PALM2AKAP2: variants seen among roughly 807,000 people sequenced by gnomAD.
PALM2AKAP2 encodes PALM2-AKAP2 fusion protein.
PALM2AKAP2 carries 37 observed loss-of-function variants against 71.5 expected under a neutral mutation model. The observed-to-expected ratio is 0.52, with a 90% CI of 0.40 to 0.68. PALM2AKAP2 has a LOEUF of 0.68. Ranked by LOEUF, PALM2AKAP2 falls within the 30% of genes least tolerant of loss-of-function variation. The pLI, the probability that PALM2AKAP2 is intolerant of heterozygous loss-of-function variation, is 0.00. For synonymous variants in PALM2AKAP2, 468 were observed against 478.8 expected (o/e 0.98, Z 0.29); for missense variants, 1,224 against 1,191.8 (o/e 1.03, Z -0.40).
At chr9:109,984,901 G>A (rs535521885) in intron 6 of PALM2AKAP2, among the ~76,000 whole-genome samples, 95 of 151,824 alleles carry the variant, frequency 6.3e-4, no homozygotes, top group African/African-American at 2.2e-3. Context: ...AAGGCCGGGC[G>A]TGGTGGCTCA....
intron 1 of PALM2AKAP2, among the ~76,000 whole-genome samples, chr9:110,088,356 A>G (rs1425652029): frequency 2.6e-5 from 4 of 152,230 alleles, no homozygotes; most frequent in African/African-American, 9.6e-5. Context: ...AAAGCAACCA[A>G]TCAGAGGCTG....
chr9:110,163,377 C>T (rs1836651788), intron 3 of PALM2AKAP2, among the ~76,000 whole-genome samples: 1 of 152,038 alleles, frequency 6.6e-6, no homozygotes, highest in African/African-American at 2.4e-5. Flanking sequence ...ATAATAAAAC[C>T]CACCTACCCA....
At chr9:109,704,091 T>C (rs985922726) in intron 1 of PALM2AKAP2, among the ~76,000 whole-genome samples, 1 of 152,086 alleles carries the variant, frequency 6.6e-6, no homozygotes, top group Non-Finnish European at 1.5e-5. Flanking sequence ...AGAGAATAGA[T>C]AGATGAGTTC....
At chr9:109,656,893 C>A (rs574694265) in intron 1 of PALM2AKAP2, among the ~76,000 whole-genome samples, 1 of 152,178 alleles carries the variant, frequency 6.6e-6, no homozygotes, top group African/African-American at 2.4e-5. Context: ...TCATCTTAGC[C>A]TCCTCAAGCC....
intron 6 of PALM2AKAP2, among the ~76,000 whole-genome samples, chr9:109,991,699 A>T (rs1418647012): frequency 6.6e-6 from 1 of 152,232 alleles, no homozygotes; most frequent in Non-Finnish European, 1.5e-5. Context: ...TAGCTTGTGC[A>T]ACGTAGCTCT....
At chr9:110,116,892 A>G (rs1450754079) in intron 1 of PALM2AKAP2, among the ~76,000 whole-genome samples, 1 of 152,228 alleles carries the variant, frequency 6.6e-6, no homozygotes, top group Non-Finnish European at 1.5e-5. Context: ...CTGTGGCTCT[A>G]TGAAAGACCT....
intron 1 of PALM2AKAP2, among the ~76,000 whole-genome samples, chr9:109,653,106 T>C (rs1827247968): frequency 6.6e-6 from 1 of 152,196 alleles, no homozygotes; most frequent in Admixed American, 6.5e-5. Flanking sequence ...TTCAACTCTT[T>C]TAGTTTGCAC....
intron 1 of PALM2AKAP2, among the ~76,000 whole-genome samples, chr9:109,860,454 G>A (rs1479396628): frequency 6.6e-6 from 1 of 152,062 alleles, no homozygotes; most frequent in Non-Finnish European, 1.5e-5. Flanking sequence ...TAAAACCTAG[G>A]TATCCTGGCA....
chr9:110,115,026 T>TG (rs146764390), intron 1 of PALM2AKAP2, among the ~76,000 whole-genome samples: 2,986 of 152,324 alleles, frequency 0.02, 104 homozygotes, highest in African/African-American at 0.067. Context: ...ATGCTTATCA[T>TG]GCATCCCAGT....
intron 2 of PALM2AKAP2, among the ~76,000 whole-genome samples, chr9:109,869,627 G>A (rs1313242899): frequency 2.3e-5 from 2 of 85,446 alleles, no homozygotes; most frequent in East Asian, 3.0e-4. Context: ...TTCATTTTTC[G>A]TCTATGCATC....
At position 110,035,256 on chromosome 9, in the gene PALM2AKAP2, TAC is replaced by T. The variant is rs1478605121; in HGVS notation, c.582+19223_582+19224del. 1.1e-4 allele frequency among the ~76,000 whole-genome samples: 14 copies of T among 127,842 alleles called. No homozygotes were observed. In the East Asian group the frequency reaches 1.8e-3, roughly 16 times the overall value. 83.9% of individuals were successfully genotyped at this position (127,842 alleles called of 152,430 possible). ...TAATATAATATATAATTATATTATATACACACATATATAATATATAATATACA... is the reference window on the plus strand; with the variant it reads ...TAATATAATATATAATTATATTATATACACATATATAATATATAATATACA... On this transcript the variant is annotated intron_variant, in intron 7 of 9. Coordinates refer to the PALM2AKAP2 transcript ENST00000302798.
At chr9:109,923,657 C>T (rs1051822241) in intron 3 of PALM2AKAP2, 78 bp from the exon 4 acceptor site, 1 of 1,455,194 alleles carries the variant, frequency 6.9e-7, no homozygotes, top group Non-Finnish European at 9.2e-7. Context: ...ACAAATCGCC[C>T]AACAGGAAGG....
intron 1 of PALM2AKAP2, among the ~76,000 whole-genome samples, chr9:110,119,526 A>G (rs2118997081): frequency 6.6e-6 from 1 of 152,278 alleles, no homozygotes. Flanking sequence ...GGTCAAAAGC[A>G]TTGTGTATTT....
intron 1 of PALM2AKAP2, among the ~76,000 whole-genome samples, chr9:109,826,394 A>C (rs1828152141): frequency 6.6e-6 from 1 of 152,148 alleles, no homozygotes; most frequent in Non-Finnish European, 1.5e-5. Flanking sequence ...AATAAAATAC[A>C]GTTTTGTTTT....
At chr9:109,675,791 G>A (rs1827638710) in intron 1 of PALM2AKAP2, among the ~76,000 whole-genome samples, 1 of 152,050 alleles carries the variant, frequency 6.6e-6, no homozygotes, top group African/African-American at 2.4e-5. Context: ...AATTATGCCT[G>A]GACACAAGTG....
intron 2 of PALM2AKAP2, among the ~76,000 whole-genome samples, chr9:109,872,271 A>G (rs1474558379): frequency 6.6e-6 from 1 of 152,090 alleles, no homozygotes; most frequent in Non-Finnish European, 1.5e-5. Flanking sequence ...GAGACTTGTG[A>G]TGATATGGAT....
intron 6 of PALM2AKAP2, among the ~76,000 whole-genome samples, chr9:109,962,600 T>C (rs1831871042): frequency 6.6e-6 from 1 of 152,066 alleles, no homozygotes; most frequent in Admixed American, 6.5e-5. Flanking sequence ...CCTATTCCAC[T>C]AGCAGTTACT....
chr9:109,969,226 T>G (rs1832017093), intron 6 of PALM2AKAP2, among the ~76,000 whole-genome samples: 1 of 152,110 alleles, frequency 6.6e-6, no homozygotes, highest in Admixed American at 6.5e-5. Flanking sequence ...TTGCAAAAGC[T>G]CAGCAGCTCC....
At chr9:109,716,655 A>G (rs1011735566) in intron 1 of PALM2AKAP2, among the ~76,000 whole-genome samples, 4 of 152,182 alleles carry the variant, frequency 2.6e-5, no homozygotes, top group Admixed American at 2.6e-4. Flanking sequence ...AGGGGGAAGG[A>G]ATATTTCTTA....
Sources: gnomAD v4.1 joint callset for allele counts (sites outside exome capture counted in the v4.1 genomes callset) on GRCh38, gnomAD v4.1.1 for gene constraint, MANE v1.5 for transcripts, NCBI Gene and HGNC (gene_info 2026-07-23, HGNC 2026-07-21) for gene names.